NCBP2: variants seen among roughly 807,000 people sequenced by gnomAD.
The protein encoded by NCBP2 is nuclear cap binding protein subunit 2, also known as nuclear cap-binding protein subunit 2.
In NCBP2, 8 loss-of-function variants were observed where a neutral mutation model predicts 21.5. The observed-to-expected ratio is 0.37, with a 90% CI of 0.22 to 0.67. The LOEUF is 0.67. Ranked by LOEUF, NCBP2 falls within the 30% of genes least tolerant of loss-of-function variation. NCBP2 has a pLI of 0.56. For synonymous variants in NCBP2, 92 were observed against 75.8 expected, an observed-to-expected ratio of 1.21 and a Z score of -1.11; for missense variants, 127 against 206.9, an observed-to-expected ratio of 0.61 and a Z score of 2.37.
chr3:196,935,950 G>C lies in NCBP2; in HGVS notation c.*1061C>G, dbSNP rs1716241792. 6.6e-6 allele frequency: 1 copy of C among 152,154 alleles called. No homozygotes were observed. The highest frequency in any genetic ancestry group is 1.5e-5 in the Non-Finnish European group (1 of 68,034). 9.4% of individuals were successfully genotyped at this position (152,154 alleles called of 1,614,324 possible). On this transcript the variant is annotated 3_prime_UTR_variant, in exon 4 of 4. Coordinates refer to ENST00000321256, the MANE Select transcript of NCBP2 (RefSeq NM_007362.5). ...AAAAAAATGAGAAATGGCTAAAAGA[G>C]GCATCTGCTGCAGGAACCTTCTGTG...
Position 196,939,245 on chromosome 3 carries a change from G to A in NCBP2, c.260+6C>T. On this transcript the variant is annotated splice_donor_region_variant and intron_variant, in intron 2 of 3. Coordinates refer to ENST00000321256, the MANE Select transcript of NCBP2 (RefSeq NM_007362.5). ...AGCAGCTACATTAGATCCATGGGAA[G>A]GATACTCCACAAAACAGAATCCACA... 1 of 1,611,584 alleles carries A rather than the reference G, an allele frequency of 6.2e-7. No homozygotes were observed. The highest frequency in any genetic ancestry group is 1.3e-5 in the African/African-American group (1 of 74,930).
At chr3:196,938,997 T>G in intron 2 of NCBP2, 1 of 332,668 alleles carries the variant, frequency 3.0e-6, no homozygotes, top group Non-Finnish European at 5.0e-6. Flanking sequence ...TTTCACTACA[T>G]TCTTTGGAAT....
chr3:196,940,495 A>T (rs1716489721), intron 1 of NCBP2, among the ~76,000 whole-genome samples: 1 of 152,148 alleles, frequency 6.6e-6, no homozygotes, highest in South Asian at 2.1e-4. Context: ...ATTTGTGAAC[A>T]TGGAAAGGAG....
intron 1 of NCBP2, chr3:196,942,104 G>C: frequency 2.7e-6 from 4 of 1,486,034 alleles, no homozygotes; most frequent in Non-Finnish European, 3.6e-6. Flanking sequence ...CTACGTAGTC[G>C]TCTGCGGAGG....
intron 1 of NCBP2, chr3:196,942,172 G>C (rs1196815184): frequency 2.7e-6 from 4 of 1,458,396 alleles, no homozygotes; most frequent in Non-Finnish European, 3.6e-6. Context: ...CTCGGCACTG[G>C]CTGGGGTACA....
chr3:196,937,374 G>T (rs1228346965), intron 3 of NCBP2, 136 bp downstream of exon 3: 6 of 1,323,118 alleles, frequency 4.5e-6, no homozygotes, highest in Middle Eastern at 2.7e-4. Context: ...ACCGTTGGGT[G>T]GTTTTCAGAT....
At position 196,939,343 on chromosome 3, in the gene NCBP2, G is replaced by C; in HGVS notation, c.168C>G (p.Ile56Met). 6.2e-7 allele frequency: 1 copy of C among 1,612,328 alleles called. No individual in the cohort carries two copies. Among genetic ancestry groups the C allele is most frequent in the Non-Finnish European group, 8.5e-7 (1 of 1,178,384 alleles). ...NLSFYTTEEQ[I>M]YELFSKSGDI... ...CACCACTTTTGCTGAAGAGTTCATAGATTTGTTCTTCAGTTGTGTAAAAAG... is the reference window on the plus strand; with the variant it reads ...CACCACTTTTGCTGAAGAGTTCATACATTTGTTCTTCAGTTGTGTAAAAAG... Residue 56 changes from isoleucine to methionine, a missense_variant, in exon 2 of 4, where the codon ATC becomes ATG. Physicochemically the swap from Ile to Met is conservative, Grantham distance 10 (BLOSUM62 1). Transcript: ENST00000321256.
intron 2 of NCBP2, 139 bp downstream of exon 2, chr3:196,939,112 T>G (rs1285349856): frequency 3.0e-6 from 2 of 674,122 alleles, no homozygotes; most frequent in Non-Finnish European, 5.2e-6. Context: ...AGCTTTACAG[T>G]ATAAGGGCAG....
At chr3:196,937,144 C>T (rs1206674477) in intron 3 of NCBP2, 62 bp from the exon 4 acceptor site, 2 of 1,474,726 alleles carry the variant, frequency 1.4e-6, no homozygotes, top group Non-Finnish European at 1.9e-6. Flanking sequence ...ATATGCCTCC[C>T]ACAAACATGT....
At chr3:196,937,380 C>G (rs1185116432) in intron 3 of NCBP2, 130 bp downstream of exon 3, 1 of 1,389,924 alleles carries the variant, frequency 7.2e-7, no homozygotes, top group Non-Finnish European at 9.7e-7. Context: ...GGGTGGTTTT[C>G]AGATCCACTT....
In NCBP2 at chr3:196,936,298, C is replaced by T. The variant is rs1216317272; in HGVS notation, c.*713G>A. ...AAGCAGTGCTGTCCTGTGGAGATTG[C>T]TTTTGCACCAACTACACAGGAAGGT... On this transcript the variant is annotated 3_prime_UTR_variant, in exon 4 of 4. Coordinates refer to ENST00000321256, the MANE Select transcript of NCBP2 (RefSeq NM_007362.5). 6.6e-6 allele frequency: 1 copy of T among 152,308 alleles called. No individual in the cohort carries two copies. The highest frequency in any genetic ancestry group is 1.5e-5 in the Non-Finnish European group (1 of 68,124). 9.4% of individuals were successfully genotyped at this position (152,308 alleles called of 1,614,324 possible). A position where few individuals can be genotyped will look rare whatever the true frequency, so the allele number is the denominator to read the frequency against.
Position 196,942,492 on chromosome 3 carries a change from GCCACCCGACATAGTGCAGAGAAGCGGA to G in NCBP2, c.-16_11del. 6.2e-7 allele frequency: 1 copy of G among 1,613,018 alleles called. No individual in the cohort carries two copies. Among genetic ancestry groups the G allele is most frequent in the Non-Finnish European group, 8.5e-7 (1 of 1,179,858 alleles). ...AGTCGCTGCGCAGCGCCTTCAGGAG[GCCACCCGACATAGTGCAGAGAAGCGGA>G]CCACAATGCGGCGACTCCCGGCACG... On this transcript the variant is annotated start_lost and 5_prime_UTR_variant, in exon 1 of 4. Transcript: ENST00000321256.
intron 2 of NCBP2, 117 bp from the exon 3 acceptor site, chr3:196,937,765 A>T: frequency 7.7e-7 from 1 of 1,303,632 alleles, no homozygotes; most frequent in East Asian, 2.3e-5. Context: ...GATGGAGTTC[A>T]AAGACAGTAA....
chr3:196,937,595 C>A lies in NCBP2; in HGVS notation c.314G>T (p.Arg105Leu). 1 of 1,614,190 alleles carries A rather than the reference C, an allele frequency of 6.2e-7. No individual in the cohort carries two copies. The highest frequency in any genetic ancestry group is 8.5e-7 in the Non-Finnish European group (1 of 1,180,048). ...TGTGCGAATGATTCGGTCATCCAGA[C>A]GCGTCCCATTTATGTACCGCATGGC... Reference protein sequence around the residue: ...ENAMRYINGTRLDDRIIRTDW... With the variant: ...ENAMRYINGTLLDDRIIRTDW... Residue 105 changes from arginine to leucine, a missense_variant, in exon 3 of 4, where the codon CGT (arginine) becomes CTT (leucine). Coordinates refer to ENST00000321256, the MANE Select transcript of NCBP2 (RefSeq NM_007362.5).
At position 196,935,683 on chromosome 3, in the gene NCBP2, C is replaced by T. The variant is rs1369089225; in HGVS notation, c.*1328G>A. 6.6e-6 allele frequency: 1 copy of T among 151,054 alleles called. No individual in the cohort carries two copies. Among genetic ancestry groups the T allele is most frequent in the Non-Finnish European group, 1.5e-5 (1 of 68,032 alleles). 9.4% of individuals were successfully genotyped at this position (151,054 alleles called of 1,614,324 possible). A position where few individuals can be genotyped will look rare whatever the true frequency, so the allele number is the denominator to read the frequency against. On this transcript the variant is annotated 3_prime_UTR_variant, in exon 4 of 4. Coordinates refer to ENST00000321256, the MANE Select transcript of NCBP2 (RefSeq NM_007362.5). ...CATTCACACTTAGGTACTTCAGCCC[C>T]AACTTTCACGGACTATTGGAAATTA...
chr3:196,942,204 G>GTT, intron 1 of NCBP2: 1 of 1,458,824 alleles, frequency 6.9e-7, no homozygotes, highest in Non-Finnish European at 9.0e-7. Flanking sequence ...CGAGCGAATG[G>GTT]GATAAGCGAG....
At chr3:196,938,538 AG>A (rs1173045811) in intron 2 of NCBP2, 1 of 152,280 alleles carries the variant, frequency 6.6e-6, no homozygotes, top group Non-Finnish European at 1.5e-5. Context: ...AGTCTGAGTA[AG>A]GGAATTAAAT....
At chr3:196,942,324 C>A (rs768027276) in intron 1 of NCBP2, 102 bp downstream of exon 1, 5 of 1,537,242 alleles carry the variant, frequency 3.3e-6, no homozygotes, top group South Asian at 1.2e-5. Flanking sequence ...TTGGCGTTTG[C>A]GGATTTCAGC....
intron 1 of NCBP2, chr3:196,941,863 G>A: frequency 6.6e-7 from 1 of 1,511,000 alleles, no homozygotes; most frequent in Non-Finnish European, 8.9e-7. Context: ...TGCCGAGCTT[G>A]GCGGGTCCAC....
Sources: allele counts gnomAD v4.1 joint callset (sites outside exome capture counted in the v4.1 genomes callset), GRCh38; gene constraint gnomAD v4.1.1; transcripts MANE v1.5; gene names NCBI Gene and HGNC (gene_info 2026-07-23, HGNC 2026-07-21).